The following PRRG1 variants were observed in gnomAD, a reference collection of about 807,000 sequenced individuals.
The protein encoded by PRRG1 is transmembrane gamma-carboxyglutamic acid protein 1.
A neutral mutation model predicts 11.8 loss-of-function variants in PRRG1; 5 were observed. That is an observed-to-expected ratio of 0.42 (90% CI 0.22 to 0.89). PRRG1 has a LOEUF of 0.89. Among genes scored for constraint, PRRG1 ranks in the 40% least tolerant of loss-of-function variants. PRRG1 has a pLI of 0.28. For missense variants in PRRG1, 155 were observed against 166.1 expected (o/e 0.93, Z 0.37); for synonymous variants, 66 against 60.4 (o/e 1.09, Z -0.43).
intron 3 of PRRG1, among the ~76,000 whole-genome samples, chrX:37,435,580 CAT>C (rs1317104834): frequency 3.6e-5 from 4 of 110,945 alleles, no homozygotes; most frequent in Non-Finnish European, 7.5e-5. Flanking sequence ...CTAAGTCACA[CAT>C]ATGATATACT....
chrX:37,351,764 A>G (rs1259120763), intron 1 of PRRG1, among the ~76,000 whole-genome samples: 1 of 112,200 alleles, frequency 8.9e-6, no homozygotes, highest in Non-Finnish European at 1.9e-5. Context: ...AGTTTCTGAT[A>G]CTGAAACTAG....
intron 3 of PRRG1, among the ~76,000 whole-genome samples, chrX:37,429,999 C>T (rs868956387): frequency 9.0e-6 from 1 of 111,598 alleles, no homozygotes; most frequent in Admixed American, 9.5e-5. Flanking sequence ...AAAGACTGGC[C>T]CCCATGATTC....
chrX:37,386,859 C>G (rs1931347283), intron 1 of PRRG1, among the ~76,000 whole-genome samples: 1 of 112,333 alleles, frequency 8.9e-6, no homozygotes, highest in East Asian at 2.8e-4. Flanking sequence ...TAACAAAGCA[C>G]TATGTTATTA....
intron 1 of PRRG1, among the ~76,000 whole-genome samples, chrX:37,374,526 C>A (rs1219293484): frequency 9.0e-6 from 1 of 111,217 alleles, no homozygotes; most frequent in African/African-American, 3.3e-5. Flanking sequence ...TACTGGTATA[C>A]TAAATTCGCT....
chrX:37,369,182 T>C (rs1221109647), intron 1 of PRRG1, among the ~76,000 whole-genome samples: 1 of 112,559 alleles, frequency 8.9e-6, no homozygotes, highest in Non-Finnish European at 1.9e-5. Context: ...CTCTTCTATG[T>C]AAATAACTTC....
chrX:37,379,320 G>A (rs1269124043), intron 1 of PRRG1, among the ~76,000 whole-genome samples: 1 of 109,479 alleles, frequency 9.1e-6, no homozygotes, highest in Non-Finnish European at 1.9e-5. Context: ...TTATTCATCT[G>A]TCTATTCCTG....
At chrX:37,424,820 T>C (rs1362292057) in intron 2 of PRRG1, among the ~76,000 whole-genome samples, 1 of 111,637 alleles carries the variant, frequency 9.0e-6, no homozygotes, top group Non-Finnish European at 1.9e-5. Flanking sequence ...TTTAATCCAT[T>C]GCTGGCTGTC....
chrX:37,414,041 C>T (rs1213911969), intron 2 of PRRG1, among the ~76,000 whole-genome samples: 1 of 111,465 alleles, frequency 9.0e-6, no homozygotes, highest in East Asian at 2.8e-4. Flanking sequence ...ATGATGTTTG[C>T]GTAACAACAA....
In PRRG1 at chrX:37,416,689, A is replaced by T. The variant is rs543670816; in HGVS notation, c.11-9151A>T. On this transcript the variant is annotated intron_variant, in intron 2 of 3. Transcript: ENST00000378628. Reference sequence around the variant, plus strand: ...ATTCCATATTTGTTTGTTTCTTGGGAGCAAGGCATTGCTCTTGGTTCAGAA... The same window carrying T: ...ATTCCATATTTGTTTGTTTCTTGGGTGCAAGGCATTGCTCTTGGTTCAGAA... Among the ~76,000 whole-genome samples, 3 of 112,254 alleles carry T rather than the reference A, an allele frequency of 2.7e-5. No homozygotes were observed. The South Asian group carries it at 1.1e-3, about 42-fold the overall frequency.
At chrX:37,417,162 CT>C (rs1261146642) in intron 2 of PRRG1, among the ~76,000 whole-genome samples, 1 of 111,204 alleles carries the variant, frequency 9.0e-6, no homozygotes, top group African/African-American at 3.3e-5. Flanking sequence ...TTGTATGCCT[CT>C]GGTACTACAG....
intron 1 of PRRG1, among the ~76,000 whole-genome samples, chrX:37,403,086 T>C (rs1382001178): frequency 7.3e-5 from 8 of 109,120 alleles, no homozygotes; most frequent in African/African-American, 2.7e-4. Flanking sequence ...TCCTCAGGGA[T>C]CTAGAACTAG....
rs192517639 is a variant in PRRG1, at chrX:37,453,158, C to T, written c.194C>T (p.Thr65Ile). Residue 65 changes from threonine to isoleucine, a missense_variant, in exon 4 of 4, where the codon ACA becomes ATA. Thr to Ile is a moderately conservative substitution (Grantham distance 89). Coordinates refer to ENST00000378628, the MANE Select transcript of PRRG1 (RefSeq NM_001142395.2). ...CAGAAGGAGTTTTGGAGCACCTACA[C>T]AAAAGCGCAACAAGGGGAGAGTAAC... is the stretch of plus-strand genomic sequence containing the variant. ...EKTKEFWSTY[T>I]KAQQGESNRG... is the part of the protein sequence containing the mutation. 1.7e-6 allele frequency: 2 copies of T among 1,204,792 alleles called. No individual in the cohort carries two copies. Among genetic ancestry groups the T allele is most frequent in the Non-Finnish European group, 2.2e-6 (2 of 891,355 alleles).
intron 3 of PRRG1, among the ~76,000 whole-genome samples, chrX:37,450,272 T>G (rs1921070737): frequency 2.7e-5 from 3 of 112,178 alleles, no homozygotes; most frequent in Admixed American, 9.5e-5. Flanking sequence ...ACTTTATCAT[T>G]ATGTAACCTC....
At chrX:37,366,658 C>T (rs1296708862) in intron 1 of PRRG1, among the ~76,000 whole-genome samples, 1 of 111,878 alleles carries the variant, frequency 8.9e-6, no homozygotes, top group Non-Finnish European at 1.9e-5. Context: ...TTAGCCATCA[C>T]ATTGCTGCTT....
At chrX:37,435,312 A>G (rs1312348201) in intron 3 of PRRG1, among the ~76,000 whole-genome samples, 1 of 110,725 alleles carries the variant, frequency 9.0e-6, no homozygotes, top group Non-Finnish European at 1.9e-5. Flanking sequence ...AATACACATG[A>G]TTATATAATG....
At chrX:37,383,950 C>A (rs1421940867) in intron 1 of PRRG1, among the ~76,000 whole-genome samples, 2 of 109,196 alleles carry the variant, frequency 1.8e-5, no homozygotes, top group Non-Finnish European at 3.8e-5. Context: ...TCTGAAGAAT[C>A]TTACTAAAAT....
rs1556398328 is a variant in PRRG1, at chrX:37,456,163, G to A, written c.*2542G>A. On this transcript the variant is annotated 3_prime_UTR_variant, in exon 4 of 4. Transcript: ENST00000378628. ...CTTTAAAAATTTTCAGGTTTTTTTA[G>A]TATGGTGAATATTGATAGATATAAA... 2 of 111,521 alleles carry A rather than the reference G, an allele frequency of 1.8e-5. No homozygotes were observed. The highest frequency in any genetic ancestry group is 6.5e-5 in the African/African-American group (2 of 30,673). 9.2% of individuals were successfully genotyped at this position (111,521 alleles called of 1,213,427 possible).
At chrX:37,433,063 T>C (rs1002012637) in intron 3 of PRRG1, among the ~76,000 whole-genome samples, 22 of 111,665 alleles carry the variant, frequency 2.0e-4, no homozygotes, top group African/African-American at 7.2e-4. Context: ...CTACTTGTTA[T>C]CACTTTACAT....
chrX:37,356,696 A>G lies in PRRG1; in HGVS notation c.-42+7301A>G, dbSNP rs192381905. On this transcript the variant is annotated intron_variant, in intron 1 of 3. Transcript: ENST00000378628. ...AACTCTAGGAATGGATCACAACATTATAAGGGAAGAGAAGGGGTCATTGTT... is the reference window on the plus strand; with the variant it reads ...AACTCTAGGAATGGATCACAACATTGTAAGGGAAGAGAAGGGGTCATTGTT... 7.7e-4 allele frequency among the ~76,000 whole-genome samples: 86 copies of G among 111,443 alleles called. 1 individual carries two copies. Among genetic ancestry groups the G allele is most frequent in the Non-Finnish European group, 1.2e-3 (64 of 52,992 alleles).
Sources: gnomAD v4.1 joint callset for allele counts (sites outside exome capture counted in the v4.1 genomes callset) on GRCh38, gnomAD v4.1.1 for gene constraint, MANE v1.5 for transcripts, NCBI Gene and HGNC (gene_info 2026-07-23, HGNC 2026-07-21) for gene names.